PRDM16: variants seen among roughly 807,000 people sequenced by gnomAD.
PRDM16 encodes PR/SET domain 16.
A neutral mutation model predicts 110.6 loss-of-function variants in PRDM16; 23 were observed. The observed-to-expected ratio is 0.21, with a 90% CI of 0.15 to 0.29. PRDM16 has a LOEUF of 0.29. PRDM16 is among the 10% of genes least tolerant of loss of function. The pLI, the probability that PRDM16 is intolerant of heterozygous loss-of-function variation, is 1.00. For missense variants in PRDM16, 1,615 were observed against 1,794.3 expected, an observed-to-expected ratio of 0.90 and a Z score of 1.81; for synonymous variants, 799 against 781.8, an observed-to-expected ratio of 1.02 and a Z score of -0.37.
At chr1:3,171,673 C>T (rs764585341) in intron 1 of PRDM16, among the ~76,000 whole-genome samples, 4 of 152,198 alleles carry the variant, frequency 2.6e-5, no homozygotes, top group Non-Finnish European at 4.4e-5. Flanking sequence ...GCTGGCAAGC[C>T]CAGGCCCCTT....
intron 4 of PRDM16, among the ~76,000 whole-genome samples, chr1:3,389,202 GA>G (rs1467650361): frequency 6.6e-6 from 1 of 152,200 alleles, no homozygotes; most frequent in African/African-American, 2.4e-5. Flanking sequence ...CCCGGAGCTT[GA>G]AAAGGCTCAG....
intron 2 of PRDM16, among the ~76,000 whole-genome samples, chr1:3,204,777 T>C (rs1156470180): frequency 4.6e-5 from 7 of 152,250 alleles, no homozygotes; most frequent in African/African-American, 1.7e-4. Flanking sequence ...TTGCTCACCC[T>C]TGAAGGCCCT....
chr1:3,235,439 G>A lies in PRDM16; in HGVS notation c.388-8648G>A, dbSNP rs545615624. ...TTCCCCTGGGGACATCAATCTTCCG[G>A]AAGCAGAAGGAGGAAGGTGTCCACA... On this transcript the variant is annotated intron_variant, in intron 2 of 16. Coordinates refer to ENST00000270722, the MANE Select transcript of PRDM16 (RefSeq NM_022114.4). 3.9e-5 allele frequency among the ~76,000 whole-genome samples: 6 copies of A among 152,276 alleles called. No homozygotes were observed. The South Asian group carries it at 1.2e-3, about 32-fold the overall frequency.
intron 2 of PRDM16, among the ~76,000 whole-genome samples, chr1:3,212,905 C>A (rs1638931870): frequency 6.6e-6 from 1 of 152,204 alleles, no homozygotes; most frequent in African/African-American, 2.4e-5. Flanking sequence ...GCACAGAGGC[C>A]CCGAGCCTTT....
intron 3 of PRDM16, among the ~76,000 whole-genome samples, chr1:3,343,593 C>T (rs532638098): frequency 7.6e-4 from 115 of 151,822 alleles, no homozygotes; most frequent in Non-Finnish European, 1.3e-3. Flanking sequence ...TCCCACATAT[C>T]GCTCAGGCTC....
At chr1:3,159,153 C>T (rs887912735) in intron 1 of PRDM16, among the ~76,000 whole-genome samples, 1 of 152,200 alleles carries the variant, frequency 6.6e-6, no homozygotes, top group African/African-American at 2.4e-5. Flanking sequence ...GGCTGGGGGA[C>T]CCTGAAGCAG....
Position 3,412,831 on chromosome 1 carries a change from C to T in PRDM16, c.2603+31C>T, listed in dbSNP as rs1643716100. ...CAGCACCCCAGCCTCACTGGCTCTC[C>T]CTGGGGCGGGGCCGCGGCGGTGCTG... On this transcript the variant is annotated intron_variant, in intron 9 of 16. Coordinates refer to ENST00000270722, the MANE Select transcript of PRDM16 (RefSeq NM_022114.4). 5 of 1,425,946 alleles carry T rather than the reference C, an allele frequency of 3.5e-6. 1 individual carries two copies. In the East Asian group the frequency reaches 1.3e-4, roughly 38 times the overall value. The allele number at this position is 1,425,946 out of a possible 1,614,324, so 88.3% of individuals were successfully genotyped here. A position where few individuals can be genotyped will look rare whatever the true frequency, so the allele number is the denominator to read the frequency against.
rs772779665 is a variant in PRDM16 at position 3,360,973 on chromosome 1, A to G, written c.439-24179A>G. 2.6e-5 allele frequency among the ~76,000 whole-genome samples: 4 copies of G among 152,054 alleles called. No homozygotes were observed. In the East Asian group the frequency reaches 5.8e-4, roughly 22 times the overall value. ...GGCAGGTGGCTGGCGGCCGGAGTCT[A>G]TGCACTCTCGTTTTCTCGGCGGAGC... is the stretch of plus-strand genomic sequence containing the variant. On this transcript the variant is annotated intron_variant, in intron 3 of 16. Coordinates refer to ENST00000270722, the MANE Select transcript of PRDM16 (RefSeq NM_022114.4).
chr1:3,114,933 G>A (rs1461298462), intron 1 of PRDM16, among the ~76,000 whole-genome samples: 1 of 152,262 alleles, frequency 6.6e-6, no homozygotes, highest in African/African-American at 2.4e-5. Context: ...GCGCCTCCCT[G>A]CACACTTGGC....
chr1:3,142,503 G>A (rs12120940), intron 1 of PRDM16, among the ~76,000 whole-genome samples: 9,977 of 150,300 alleles, frequency 0.066, 416 homozygotes, highest in East Asian at 0.12. Flanking sequence ...AGGCGCCGTC[G>A]AACGGGATGC....
chr1:3,176,733 C>T (rs771381820), intron 1 of PRDM16, among the ~76,000 whole-genome samples: 9 of 151,324 alleles, frequency 5.9e-5, no homozygotes, highest in Non-Finnish European at 1.2e-4. Flanking sequence ...TCCATCCATC[C>T]ATCCATCCAT....
At chr1:3,164,376 C>G (rs1736522) in intron 1 of PRDM16, among the ~76,000 whole-genome samples, 80,884 of 152,108 alleles carry the variant, frequency 0.53, 21,901 homozygotes, top group East Asian at 0.72. Context: ...TCAGCCGTGA[C>G]GTTGGGCCGA....
chr1:3,146,743 G>A (rs1643668068), intron 1 of PRDM16, among the ~76,000 whole-genome samples: 1 of 141,160 alleles, frequency 7.1e-6, no homozygotes, highest in Admixed American at 7.0e-5. Flanking sequence ...TTGTGTGAGT[G>A]CACGTGTGTG....
chr1:3,106,715 C>G (rs1339477003), intron 1 of PRDM16, among the ~76,000 whole-genome samples: 2 of 152,130 alleles, frequency 1.3e-5, no homozygotes, highest in Non-Finnish European at 2.9e-5. Flanking sequence ...TTTGGCCAGG[C>G]CAGCATGGGG....
intron 3 of PRDM16, chr1:3,306,722 A>G (rs938474763): frequency 1.3e-5 from 2 of 152,236 alleles, no homozygotes; most frequent in African/African-American, 4.8e-5. Flanking sequence ...AAAACGTACA[A>G]TTCAGTGGTT....
At chr1:3,145,658 T>G (rs1415736667) in intron 1 of PRDM16, among the ~76,000 whole-genome samples, 1 of 152,130 alleles carries the variant, frequency 6.6e-6, no homozygotes. Flanking sequence ...GTCCGTACAG[T>G]CAGGACGTGC....
At position 3,148,252 on chromosome 1, in the gene PRDM16, G is replaced by A. The variant is rs892321169; in HGVS notation, c.38-37873G>A. Among the ~76,000 whole-genome samples, 6 of 152,122 alleles carry A rather than the reference G, an allele frequency of 3.9e-5. No homozygotes were observed. Among genetic ancestry groups the A allele is most frequent in the Non-Finnish European group, 8.8e-5 (6 of 68,018 alleles). On this transcript the variant is annotated intron_variant, in intron 1 of 16. Coordinates refer to ENST00000270722, the MANE Select transcript of PRDM16 (RefSeq NM_022114.4). This position sits in a 1 kb window ranked among gnomAD's most constrained non-coding sequence, Gnocchi z 5.0. ...TCTCATGTCCTGGGTGCAATCTCAT[G>A]CCCTGGTGGCCCTGGTGAGAGCAGG...
At position 3,390,323 on chromosome 1, in the gene PRDM16, G is replaced by A. The variant is rs1397171711; in HGVS notation, c.573+5037G>A. Among the ~76,000 whole-genome samples, 3 of 152,278 alleles carry A rather than the reference G, an allele frequency of 2.0e-5. No individual in the cohort carries two copies. The highest frequency in any genetic ancestry group is 1.9e-4 in the East Asian group (1 of 5,168). On this transcript the variant is annotated intron_variant, in intron 4 of 16. Transcript: ENST00000270722. The surrounding 1 kb of genome is among the most constrained non-coding windows in gnomAD (Gnocchi z 5.0). ...AGGGCTGAGGTCAAACACAAATGTCGGGGAGCTGGACTCAGGGGTGCGGGC... is the reference window on the plus strand; with the variant it reads ...AGGGCTGAGGTCAAACACAAATGTCAGGGAGCTGGACTCAGGGGTGCGGGC...
chr1:3,431,085 C>T lies in PRDM16; in HGVS notation c.3498C>T (p.Ala1166=), dbSNP rs368383914. ...EEDEEPAASL[A]VGFDHTRRCA... Reference sequence around the variant, plus strand: ...ATGAGGAGCCAGCCGCCTCCCTGGCCGTGGGCTTTGACCACACCCGAAGGT... The same window carrying T: ...ATGAGGAGCCAGCCGCCTCCCTGGCTGTGGGCTTTGACCACACCCGAAGGT... Residue 1166 remains alanine (A), a synonymous_variant, in exon 15 of 17, where the codon GCC becomes GCT. Transcript: ENST00000270722. The T allele has an allele frequency of 5.9e-5, 92 of 1,551,646 alleles. No homozygotes were observed. In the African/African-American group the frequency reaches 6.8e-4, roughly 12 times the overall value.
Sources: gnomAD v4.1 joint callset for allele counts (sites outside exome capture counted in the v4.1 genomes callset) on GRCh38, gnomAD v4.1.1 for gene constraint, Gnocchi (gnomAD v3.1) non-coding constraint, MANE v1.5 for transcripts, NCBI Gene and HGNC (gene_info 2026-07-23, HGNC 2026-07-21) for gene names.